TRHDE: variants seen among roughly 807,000 people sequenced by gnomAD.
TRHDE encodes the protein thyrotropin-releasing hormone-degrading ectoenzyme.
In TRHDE, 72 loss-of-function variants were observed where a neutral mutation model predicts 125.7. That is an observed-to-expected ratio of 0.57 (90% confidence interval 0.47 to 0.70). The LOEUF (loss-of-function observed/expected upper bound fraction) is 0.70, where lower values mean the gene tolerates loss of function less well. TRHDE is among the 30% of genes least tolerant of loss of function. The pLI, the probability that TRHDE is intolerant of heterozygous loss-of-function variation, is 0.00. For synonymous variants in TRHDE, 509 were observed against 509.1 expected (o/e 1.00, Z 0.00); for missense variants, 1,110 against 1,327.1 (o/e 0.84, Z 2.54).
chr12:72,335,501 G>T (rs1869791243), intron 2 of TRHDE, among the ~76,000 whole-genome samples: 1 of 152,142 alleles, frequency 6.6e-6, no homozygotes, highest in Non-Finnish European at 1.5e-5. Flanking sequence ...TACTTAGGTA[G>T]GCATATATCA....
chr12:72,619,093 C>A, intron 13 of TRHDE, 55 bp downstream of exon 13: 1 of 1,329,878 alleles, frequency 7.5e-7, no homozygotes, highest in Non-Finnish European at 1.0e-6. Flanking sequence ...ATTTTATTCT[C>A]TTTCTACTAT....
intron 16 of TRHDE, 108 bp from the exon 17 acceptor site, chr12:72,652,903 CACTAG>C (rs1413901741): frequency 2.0e-5 from 15 of 747,132 alleles, no homozygotes; most frequent in Non-Finnish European, 8.3e-6. Context: ...TTAAAGATTG[CACTAG>C]ACTATTCTTT....
intron 6 of TRHDE, among the ~76,000 whole-genome samples, chr12:72,525,630 TGTGTGAGA>T (rs1565778280): frequency 6.7e-6 from 1 of 148,366 alleles, no homozygotes; most frequent in Non-Finnish European, 1.5e-5. Context: ...TGTGTGTGTG[TGTGTGAGA>T]GAGAGAGAGA....
chr12:72,149,346 A>G (rs917093953), intron 2 of TRHDE, among the ~76,000 whole-genome samples: 2 of 152,208 alleles, frequency 1.3e-5, no homozygotes, highest in Non-Finnish European at 2.9e-5. Context: ...ATTTATTGTT[A>G]TGAAATGTTC....
chr12:72,242,822 A>G (rs35377161), intron 2 of TRHDE, among the ~76,000 whole-genome samples: 36,677 of 152,128 alleles, frequency 0.24, 4,868 homozygotes, highest in South Asian at 0.33. Flanking sequence ...ACCGCATTCA[A>G]TGGGAGAGAC....
intron 2 of TRHDE, among the ~76,000 whole-genome samples, chr12:72,214,711 C>T (rs921941831): frequency 1.3e-5 from 2 of 152,060 alleles, no homozygotes; most frequent in African/African-American, 2.4e-5. Context: ...GCTAAATACA[C>T]GGATTTGTTT....
chr12:72,591,632 GTTTT>G (rs71071842), intron 12 of TRHDE, among the ~76,000 whole-genome samples: 1 of 125,430 alleles, frequency 8.0e-6, no homozygotes, highest in Admixed American at 7.9e-5. Context: ...AAGGATATGG[GTTTT>G]TTTTTTTTTT....
At chr12:72,544,255 T>A (rs1288093032) in intron 7 of TRHDE, among the ~76,000 whole-genome samples, 1 of 151,500 alleles carries the variant, frequency 6.6e-6, no homozygotes, top group East Asian at 1.9e-4. Flanking sequence ...ATGTATGGGA[T>A]ACATTTTGGA....
rs1435516049 is a variant in TRHDE at position 72,286,794 on chromosome 12, A to G, written c.1028A>G (p.Tyr343Cys). The G allele has an allele frequency of 1.2e-6, 2 of 1,613,582 alleles. No homozygotes were observed. Among genetic ancestry groups the G allele is most frequent in the South Asian group, 1.1e-5 (1 of 91,026 alleles). The change falls in exon 2 of 19, where the codon TAT (tyrosine) becomes TGT (cysteine). Residue 343 changes from tyrosine (Y) to cysteine (C), a missense_variant. Coordinates refer to ENST00000261180, the MANE Select transcript of TRHDE (RefSeq NM_013381.3). ...FKISIKHQAT[Y>C]LSLSNMPVET... ...ATCAGCATCAAGCATCAAGCAACCT[A>G]TTTATCTTTATCTAATATGCCAGTG...
rs576609287 is a variant in TRHDE, at chr12:72,214,181, G to T, written n.279+108429G>T. ...AACATTTTTTAGAGAGGGCACGAAG[G>T]TCTCCTAAATTCTGCTGCAGTTCTC... On this transcript the variant is annotated intron_variant and non_coding_transcript_variant, in intron 2 of 4. Coordinates refer to the TRHDE transcript ENST00000548156. Among the ~76,000 whole-genome samples the T allele has an allele frequency of 4.6e-5, 7 of 152,190 alleles. No individual in the cohort carries two copies. In the East Asian group the frequency reaches 7.7e-4, roughly 17 times the overall value.
chr12:72,273,881 A>C lies in TRHDE; in HGVS notation c.914+324A>C. The C allele has an allele frequency of 3.4e-6, 1 of 298,344 alleles. No individual in the cohort carries two copies. Among genetic ancestry groups the C allele is most frequent in the Non-Finnish European group, 6.3e-6 (1 of 159,412 alleles). The allele number at this position is 298,344 out of a possible 1,614,324, so 18.5% of individuals were successfully genotyped here. A position where few individuals can be genotyped will look rare whatever the true frequency, so the allele number is the denominator to read the frequency against. ...CTCTTTTTCTGAAGGGTAGCTGATA[A>C]TCTGAGCGATGCCAGAGTGACATGA... On this transcript the variant is annotated intron_variant, in intron 1 of 18. Coordinates refer to ENST00000261180, the MANE Select transcript of TRHDE (RefSeq NM_013381.3). The surrounding 1 kb of genome is among the most constrained non-coding windows in gnomAD (Gnocchi z 5.3).
chr12:72,624,141 C>T (rs1319020498), intron 15 of TRHDE, among the ~76,000 whole-genome samples: 1 of 151,900 alleles, frequency 6.6e-6, no homozygotes, highest in Admixed American at 6.6e-5. Context: ...GTGTGAAGAT[C>T]AGAGGTGTAA....
intron 6 of TRHDE, among the ~76,000 whole-genome samples, chr12:72,506,677 A>G (rs1407837580): frequency 6.6e-6 from 1 of 152,168 alleles, no homozygotes; most frequent in African/African-American, 2.4e-5. Flanking sequence ...TTCACAAATA[A>G]ATATATTTCA....
intron 3 of TRHDE, among the ~76,000 whole-genome samples, chr12:72,398,012 T>G (rs1592416298): frequency 1.6e-5 from 2 of 124,508 alleles, no homozygotes; most frequent in South Asian, 6.1e-4. Context: ...GTCCCCAGAG[T>G]GTGATGTTCC....
At chr12:72,090,192 G>T (rs1874758041) in intron 1 of TRHDE, among the ~76,000 whole-genome samples, 1 of 152,110 alleles carries the variant, frequency 6.6e-6, no homozygotes, top group African/African-American at 2.4e-5. Context: ...GGTGTCTTAG[G>T]GAGAGCATAG....
At chr12:72,170,466 CTTG>C (rs1326469272) in intron 2 of TRHDE, among the ~76,000 whole-genome samples, 1 of 152,152 alleles carries the variant, frequency 6.6e-6, no homozygotes, top group African/African-American at 2.4e-5. Context: ...ATTAAACTCA[CTTG>C]TTGGTGGTGT....
At chr12:72,652,676 A>G (rs200079866) in intron 16 of TRHDE, among the ~76,000 whole-genome samples, 187 bp downstream of exon 16, 5 of 112,014 alleles carry the variant, frequency 4.5e-5, no homozygotes, top group Non-Finnish European at 7.3e-5. Flanking sequence ...TCTTTTTATG[A>G]GTATTTATTT....
At chr12:72,170,554 C>T (rs1047321059) in intron 2 of TRHDE, among the ~76,000 whole-genome samples, 2 of 152,020 alleles carry the variant, frequency 1.3e-5, no homozygotes, top group Non-Finnish European at 2.9e-5. Context: ...CTTTAGTGAG[C>T]ATCAGGACCA....
intron 3 of TRHDE, among the ~76,000 whole-genome samples, chr12:72,390,436 A>T (rs969613823): frequency 1.2e-4 from 18 of 151,110 alleles, no homozygotes; most frequent in East Asian, 1.9e-4. Context: ...CAGCCAATTT[A>T]AAAAAAAAGG....
Sources: allele counts gnomAD v4.1 joint callset (sites outside exome capture counted in the v4.1 genomes callset), GRCh38; gene constraint gnomAD v4.1.1; non-coding constraint Gnocchi (gnomAD v3.1); transcripts MANE v1.5; gene names NCBI Gene and HGNC (gene_info 2026-07-23, HGNC 2026-07-21).